DIPK1A: variants seen among roughly 807,000 people sequenced by gnomAD.
DIPK1A encodes the protein divergent protein kinase domain 1A.
In DIPK1A, 27 loss-of-function variants were observed where a neutral mutation model predicts 40.8. The observed-to-expected ratio is 0.66, with a 90% CI of 0.49 to 0.91. DIPK1A has a LOEUF of 0.91. DIPK1A is among the 40% of genes least tolerant of loss of function. The pLI, the probability that DIPK1A is intolerant of heterozygous loss-of-function variation, is 0.00. For missense variants in DIPK1A, 412 were observed against 505.7 expected (o/e 0.81, Z 1.78); for synonymous variants, 166 against 171.3 (o/e 0.97, Z 0.24).
chr1:92,944,866 G>A (rs1651302624), intron 1 of DIPK1A, among the ~76,000 whole-genome samples: 1 of 152,062 alleles, frequency 6.6e-6, no homozygotes, highest in Non-Finnish European at 1.5e-5. Context: ...GAAACTCCTG[G>A]GCTCAAGTGA....
At chr1:92,841,503 AC>A (rs1310355386), downstream of DIPK1A, among the ~76,000 whole-genome samples, 1 of 152,186 alleles carries the variant, frequency 6.6e-6, no homozygotes, top group African/African-American at 2.4e-5. Flanking sequence ...TTGGGCAAAT[AC>A]CTAGAAGTGG....
chr1:92,853,402 G>A (rs572953395), intron 2 of DIPK1A, among the ~76,000 whole-genome samples: 61 of 152,294 alleles, frequency 4.0e-4, no homozygotes, highest in Middle Eastern at 3.4e-3. Flanking sequence ...GTTATCCTTT[G>A]AGCATCCAGG....
downstream of DIPK1A, among the ~76,000 whole-genome samples, chr1:92,840,008 A>ATTT (rs111307161): frequency 1.2e-3 from 164 of 138,332 alleles, 1 homozygote; most frequent in South Asian, 2.8e-3. Flanking sequence ...TGCCCTGCTA[A>ATTT]TTTTTTTTTT....
chr1:92,923,150 T>C (rs558739123), intron 1 of DIPK1A, among the ~76,000 whole-genome samples: 40 of 152,140 alleles, frequency 2.6e-4, no homozygotes, highest in Non-Finnish European at 5.1e-4. Context: ...TTTGTTTTTG[T>C]TTTTTTGAGA....
chr1:92,866,957 A>G (rs1571071714), intron 2 of DIPK1A, among the ~76,000 whole-genome samples: 2 of 151,928 alleles, frequency 1.3e-5, no homozygotes, highest in East Asian at 3.9e-4. Context: ...TGATTAAATA[A>G]TGTGTGTGTG....
At chr1:92,889,964 T>G (rs1648785508) in intron 1 of DIPK1A, among the ~76,000 whole-genome samples, 1 of 152,146 alleles carries the variant, frequency 6.6e-6, no homozygotes, top group East Asian at 1.9e-4. Context: ...TTCCATTTTT[T>G]TGTGTGTCCT....
intron 2 of DIPK1A, among the ~76,000 whole-genome samples, chr1:92,873,670 C>T (rs1647983427): frequency 1.3e-5 from 2 of 151,840 alleles, no homozygotes; most frequent in Non-Finnish European, 2.9e-5. Flanking sequence ...GTAATTCCTC[C>T]CTATCTTGTT....
In DIPK1A at chr1:92,859,727, G is replaced by C. The variant is rs538465326; in HGVS notation, c.190-8772C>G. Among the ~76,000 whole-genome samples, 4 of 152,330 alleles carry C rather than the reference G, an allele frequency of 2.6e-5. No homozygotes were observed. The East Asian group carries it at 7.7e-4, about 29-fold the overall frequency. ...TGAAATTTGTCATTTTCTCGAGACA[G>C]GGTCTCACTCTGTCGCCCAGGCTGG... On this transcript the variant is annotated intron_variant, in intron 2 of 4. Coordinates refer to ENST00000370310, the MANE Select transcript of DIPK1A (RefSeq NM_001006605.5).
At chr1:92,874,399 T>A (rs1648020710) in intron 2 of DIPK1A, among the ~76,000 whole-genome samples, 1 of 152,192 alleles carries the variant, frequency 6.6e-6, no homozygotes. Flanking sequence ...TCTGATCAAG[T>A]ATATTTGCTG....
At chr1:92,867,980 A>ATGAAAAAAGTCAAGGACT (rs1397056542) in intron 2 of DIPK1A, among the ~76,000 whole-genome samples, 4 of 152,204 alleles carry the variant, frequency 2.6e-5, no homozygotes, top group Non-Finnish European at 4.4e-5. Flanking sequence ...CTCAGATCAA[A>ATGAAAAAAGTCAAGGACT]TGAAAAAAGT....
intron 1 of DIPK1A, among the ~76,000 whole-genome samples, chr1:92,928,958 T>A (rs1474385509): frequency 1.4e-5 from 2 of 144,586 alleles, no homozygotes; most frequent in Non-Finnish European, 3.1e-5. Flanking sequence ...TGAGACTCCA[T>A]CTCAAAGAAA....
At position 92,961,424 on chromosome 1, in the gene DIPK1A, C is replaced by T; in HGVS notation, c.6G>A (p.Ala2=). ...GCCAGGCCCCCGGACAGAGACTCCT[C>T]GCCATGGTAATCACACATCGCCCCG... is the stretch of plus-strand genomic sequence containing the variant. The part of the protein sequence containing the change: M[A]RSLCPGAWLR... The change falls in exon 1 of 5, where the codon GCG becomes GCA. Residue 2 remains alanine (A), a synonymous_variant. Transcript: ENST00000370310. 6.6e-7 allele frequency: 1 copy of T among 1,517,764 alleles called. No individual in the cohort carries two copies. The highest frequency in any genetic ancestry group is 1.2e-5 in the South Asian group (1 of 83,678). The allele number at this position is 1,517,764 out of a possible 1,614,324, so 94.0% of individuals were successfully genotyped here. A position where few individuals can be genotyped will look rare whatever the true frequency, so the allele number is the denominator to read the frequency against.
chr1:92,837,323 G>GT (rs1239672025), downstream of DIPK1A: 1 of 809,350 alleles, frequency 1.2e-6, no homozygotes, highest in Admixed American at 1.7e-5. Flanking sequence ...TGAGCAGTCA[G>GT]TAGTTGGTCC....
chr1:92,932,812 G>T (rs1650805953), intron 1 of DIPK1A: 1 of 152,166 alleles, frequency 6.6e-6, no homozygotes, highest in Admixed American at 6.5e-5. Flanking sequence ...GAGCACCGAG[G>T]ATTTTTAGGG....
intron 2 of DIPK1A, among the ~76,000 whole-genome samples, chr1:92,870,577 C>T (rs1377784565): frequency 2.0e-5 from 3 of 152,216 alleles, no homozygotes; most frequent in Non-Finnish European, 4.4e-5. Context: ...TCAACTAAAT[C>T]ATTTGGTCCA....
intron 3 of DIPK1A, 75 bp from the exon 4 acceptor site, chr1:92,847,434 G>C: frequency 2.1e-6 from 2 of 947,446 alleles, no homozygotes; most frequent in Middle Eastern, 7.1e-4. Flanking sequence ...TATATTTTTA[G>C]GGTCCTCCTC....
intron 2 of DIPK1A, among the ~76,000 whole-genome samples, chr1:92,855,864 G>T (rs985933728): frequency 7.2e-5 from 11 of 152,106 alleles, no homozygotes; most frequent in African/African-American, 2.7e-4. Flanking sequence ...TGAATCACTT[G>T]AGTCCAGGAG....
At chr1:92,833,033 T>C (rs748056308) in exon 5 of DIPK1A, 1 of 739,832 alleles carries the variant, frequency 1.4e-6, no homozygotes, top group South Asian at 1.4e-5. Flanking sequence ...CCGGTGCTGG[T>C]CCTTGAAGAA....
chr1:92,909,903 T>TTA (rs1649765392), intron 1 of DIPK1A, among the ~76,000 whole-genome samples: 1 of 152,182 alleles, frequency 6.6e-6, no homozygotes, highest in East Asian at 1.9e-4. Flanking sequence ...TTTTCAGAGT[T>TTA]TATAAAGTGC....
Sources: gnomAD v4.1 joint callset for allele counts (sites outside exome capture counted in the v4.1 genomes callset) on GRCh38, gnomAD v4.1.1 for gene constraint, MANE v1.5 for transcripts, NCBI Gene and HGNC (gene_info 2026-07-23, HGNC 2026-07-21) for gene names.